DMD: variants seen among roughly 807,000 people sequenced by gnomAD.
The protein encoded by DMD is dystrophin.
DMD carries 63 observed loss-of-function variants against 330.1 expected under a neutral mutation model. The ratio of observed to expected loss-of-function variants is 0.19; its 90% CI spans 0.16 to 0.24. The LOEUF is 0.24. DMD is among the 10% of genes least tolerant of loss of function. DMD has a pLI of 1.00. For missense variants in DMD, 3,344 were observed against 2,684.1 expected (o/e 1.25, Z -5.43); for synonymous variants, 1,223 against 959.8 (o/e 1.27, Z -5.07).
intron 44 of DMD, among the ~76,000 whole-genome samples, chrX:32,019,757 G>A (rs866647972): frequency 1.8e-5 from 2 of 112,033 alleles, no homozygotes; most frequent in South Asian, 3.6e-4. Context: ...AATTCCTGAC[G>A]CTGTCATTCT....
intron 47 of DMD, among the ~76,000 whole-genome samples, chrX:31,912,425 G>A (rs778671385): frequency 1.7e-4 from 19 of 111,094 alleles, no homozygotes; most frequent in African/African-American, 6.2e-4. Flanking sequence ...CAAGCATCTC[G>A]ACAACTTTTT....
intron 63 of DMD, among the ~76,000 whole-genome samples, chrX:31,247,664 G>C (rs1240757322): frequency 9.1e-6 from 1 of 109,875 alleles, no homozygotes; most frequent in Admixed American, 9.7e-5. Context: ...ATTTGTGATT[G>C]ATAGGAGGTC....
At chrX:33,116,241 T>A (rs2095383811) in intron 1 of DMD, among the ~76,000 whole-genome samples, 1 of 108,379 alleles carries the variant, frequency 9.2e-6, no homozygotes, top group Non-Finnish European at 1.9e-5. Flanking sequence ...CCGGGCACAG[T>A]GGCTCACACC....
chrX:32,779,691 T>C (rs1031090200), intron 7 of DMD, among the ~76,000 whole-genome samples: 1 of 77,851 alleles, frequency 1.3e-5, no homozygotes, highest in Admixed American at 1.8e-4. Context: ...TATGGCTGCA[T>C]ACGGCCTGTG....
intron 41 of DMD, among the ~76,000 whole-genome samples, chrX:32,328,578 T>A (rs1255353130): frequency 9.0e-6 from 1 of 111,033 alleles, no homozygotes; most frequent in African/African-American, 3.3e-5. Context: ...ATTCTGAAAC[T>A]TCAAGCAACC....
At chrX:32,431,774 C>T (rs1171663535) in intron 29 of DMD, among the ~76,000 whole-genome samples, 3 of 110,826 alleles carry the variant, frequency 2.7e-5, no homozygotes, top group Admixed American at 9.7e-5. Context: ...TTATACTATA[C>T]ATCTTGCAAT....
chrX:32,128,967 C>T (rs2096674620), intron 44 of DMD, among the ~76,000 whole-genome samples: 2 of 111,273 alleles, frequency 1.8e-5, no homozygotes, highest in Non-Finnish European at 3.8e-5. Flanking sequence ...AAATATCTAG[C>T]TTATCAGTCT....
chrX:32,363,671 G>A (rs2097844911), intron 36 of DMD, among the ~76,000 whole-genome samples: 1 of 111,752 alleles, frequency 8.9e-6, no homozygotes, highest in Admixed American at 9.5e-5. Context: ...TTCAGACAAT[G>A]GCATAAATGT....
At chrX:31,741,049 T>C (rs1411120566) in intron 51 of DMD, among the ~76,000 whole-genome samples, 2 of 111,959 alleles carry the variant, frequency 1.8e-5, no homozygotes, top group Non-Finnish European at 3.8e-5. Context: ...CCACAATCTT[T>C]GCTCATCCAT....
chrX:32,130,927 G>A (rs1332439327), intron 44 of DMD, among the ~76,000 whole-genome samples: 2 of 111,994 alleles, frequency 1.8e-5, no homozygotes, highest in Non-Finnish European at 3.8e-5. Flanking sequence ...GCTCATGCCC[G>A]TAATCCCAGC....
Position 33,250,110 on chromosome X carries a change from T to TATATATATATATATATATA in DMD, c.7+89148_7+89149insTATATATATATATATATAT, listed in dbSNP as rs748598265. Among the ~76,000 whole-genome samples, 660 of 97,745 alleles carry TATATATATATATATATATA rather than the reference T, an allele frequency of 6.8e-3. 25 individuals carry two copies. The highest frequency in any genetic ancestry group is 0.027 in the African/African-American group (632 of 23,640). The allele number at this position is 97,745 out of a possible 115,157, so 84.9% of individuals were successfully genotyped here. On this transcript the variant is annotated intron_variant, in intron 1 of 17. Transcript: ENST00000288447. ...TTATATATATATATATATATATATATATCAATGTACACTTGTATGTATGTA... is the reference window on the plus strand; with the variant it reads ...TTATATATATATATATATATATATATATATATATATATATATATAATCAATGTACACTTGTATGTATGTA...
At chrX:31,882,262 T>C (rs1384966967) in intron 47 of DMD, among the ~76,000 whole-genome samples, 4 of 111,820 alleles carry the variant, frequency 3.6e-5, no homozygotes, top group Admixed American at 9.5e-5. Flanking sequence ...ATATAGCGTT[T>C]CCTAATTTAT....
intron 1 of DMD, among the ~76,000 whole-genome samples, chrX:33,188,409 G>T (rs977465617): frequency 3.6e-5 from 4 of 110,310 alleles, no homozygotes; most frequent in Non-Finnish European, 7.6e-5. Flanking sequence ...TTGCCCTCTG[G>T]TACTTTGTGG....
At chrX:33,292,180 T>G (rs996049381) in intron 1 of DMD, among the ~76,000 whole-genome samples, 13 of 111,223 alleles carry the variant, frequency 1.2e-4, no homozygotes, top group Non-Finnish European at 1.7e-4. Flanking sequence ...TAGGACTCAT[T>G]TTGGAATCAT....
chrX:32,280,006 C>CATATATATATACCCCACAT (rs201513891), intron 43 of DMD, among the ~76,000 whole-genome samples: 2 of 67,022 alleles, frequency 3.0e-5, no homozygotes, highest in African/African-American at 6.6e-5. Context: ...ATGTACCCCA[C>CATATATATATACCCCACAT]ATATATATAT....
intron 9 of DMD, among the ~76,000 whole-genome samples, chrX:32,677,842 T>C (rs772357463): frequency 1.8e-5 from 2 of 111,823 alleles, no homozygotes; most frequent in Non-Finnish European, 3.8e-5. Context: ...ATAGTCACGA[T>C]GTGGGAACAA....
chrX:32,276,932 AAAAG>A (rs1182838499), intron 43 of DMD, among the ~76,000 whole-genome samples: 4 of 109,354 alleles, frequency 3.7e-5, no homozygotes, highest in African/African-American at 6.9e-5. Flanking sequence ...GAAAGAAAAG[AAAAG>A]AAAGAAAGAT....
intron 48 of DMD, among the ~76,000 whole-genome samples, chrX:31,856,061 T>C (rs1448062936): frequency 8.9e-6 from 1 of 111,799 alleles, no homozygotes; most frequent in Non-Finnish European, 1.9e-5. Flanking sequence ...AGAACTCTAC[T>C]AGAATCTAGA....
chrX:32,670,224 A>G (rs996502455), intron 9 of DMD, among the ~76,000 whole-genome samples: 4 of 111,975 alleles, frequency 3.6e-5, no homozygotes, highest in Non-Finnish European at 5.6e-5. Flanking sequence ...TAGTGCATAA[A>G]GAACCTGAGG....
Sources: gnomAD v4.1 joint callset for allele counts (sites outside exome capture counted in the v4.1 genomes callset) on GRCh38, gnomAD v4.1.1 for gene constraint, MANE v1.5 for transcripts, NCBI Gene and HGNC (gene_info 2026-07-23, HGNC 2026-07-21) for gene names.